The following YAF2 variants were observed in gnomAD, a reference collection of about 807,000 sequenced individuals.
The protein encoded by YAF2 is YY1-associated factor 2.
YAF2 carries 7 observed loss-of-function variants against 20.1 expected under a neutral mutation model. That is an observed-to-expected ratio of 0.35 (90% CI 0.20 to 0.65). The LOEUF is 0.65. Ranked by LOEUF, YAF2 falls within the 30% of genes least tolerant of loss-of-function variation. YAF2 has a pLI of 0.69. For synonymous variants in YAF2, 74 were observed against 76.0 expected, an observed-to-expected ratio of 0.97 and a Z score of 0.14; for missense variants, 151 against 219.2, an observed-to-expected ratio of 0.69 and a Z score of 1.96.
chr12:42,186,795 G>A (rs747166333), intron 2 of YAF2, among the ~76,000 whole-genome samples: 4 of 152,182 alleles, frequency 2.6e-5, no homozygotes, highest in Non-Finnish European at 4.4e-5. Context: ...CAAACTGTTA[G>A]CATTTTAGAG....
intron 2 of YAF2, among the ~76,000 whole-genome samples, chr12:42,219,717 T>C (rs1408676769): frequency 1.3e-5 from 2 of 152,146 alleles, no homozygotes; most frequent in African/African-American, 4.8e-5. Context: ...TCCACCTCAT[T>C]ATCTTATCCA....
intron 2 of YAF2, chr12:42,210,238 T>C: frequency 1.9e-6 from 1 of 513,772 alleles, no homozygotes; most frequent in South Asian, 2.0e-5. Context: ...ATATCAAATG[T>C]ACAAAAAGAA....
intron 2 of YAF2, among the ~76,000 whole-genome samples, chr12:42,182,478 G>A (rs2066369141): frequency 6.6e-6 from 1 of 152,160 alleles, no homozygotes; most frequent in Non-Finnish European, 1.5e-5. Flanking sequence ...TGAAAGAAAA[G>A]TTATTTCTAG....
At chr12:42,170,831 C>A (rs997165606) in intron 2 of YAF2, among the ~76,000 whole-genome samples, 1 of 152,082 alleles carries the variant, frequency 6.6e-6, no homozygotes, top group African/African-American at 2.4e-5. Context: ...GTAGATCCAC[C>A]TCTCCAATAG....
chr12:42,233,056 A>G, intron 2 of YAF2: 1 of 985,388 alleles, frequency 1.0e-6, no homozygotes, highest in Non-Finnish European at 1.2e-6. Context: ...TCTAGTATCC[A>G]ACTCAGCCCT....
At chr12:42,210,481 T>A in intron 2 of YAF2, 1 of 1,535,884 alleles carries the variant, frequency 6.5e-7, no homozygotes, top group Non-Finnish European at 8.7e-7. Flanking sequence ...TACAGACGTA[T>A]ATGTAAGAAA....
chr12:42,237,576 C>A, intron 2 of YAF2, 23 bp downstream of exon 2: 1 of 1,495,376 alleles, frequency 6.7e-7, no homozygotes, highest in Non-Finnish European at 8.9e-7. Flanking sequence ...GCCGGCGGCG[C>A]GAGGGGCAGG....
intron 2 of YAF2, among the ~76,000 whole-genome samples, chr12:42,194,283 T>TACTC (rs1445593914): frequency 6.6e-6 from 1 of 152,220 alleles, no homozygotes; most frequent in Non-Finnish European, 1.5e-5. Context: ...ATTCATTCAC[T>TACTC]ACTCACTCAC....
rs2065765722 is a variant in YAF2 at position 42,159,897 on chromosome 12, G to A, written c.*692C>T. 1 of 152,412 alleles carries A rather than the reference G, an allele frequency of 6.6e-6. No individual in the cohort carries two copies. Among genetic ancestry groups the A allele is most frequent in the Non-Finnish European group, 1.5e-5 (1 of 67,952 alleles). The allele number at this position is 152,412 out of a possible 1,614,324, so 9.4% of individuals were successfully genotyped here. A position where few individuals can be genotyped will look rare whatever the true frequency, so the allele number is the denominator to read the frequency against. On this transcript the variant is annotated 3_prime_UTR_variant, in exon 4 of 4. Coordinates refer to ENST00000534854, the MANE Select transcript of YAF2 (RefSeq NM_005748.6). Reference sequence around the variant, plus strand: ...TGAATTATAAAGCTAAATAATCAATGTTTTATTGTTTACTAGTCCGCTAGT... The same window carrying A: ...TGAATTATAAAGCTAAATAATCAATATTTTATTGTTTACTAGTCCGCTAGT...
intron 2 of YAF2, among the ~76,000 whole-genome samples, chr12:42,170,954 A>G (rs1230982712): frequency 6.6e-6 from 1 of 152,140 alleles, no homozygotes; most frequent in Admixed American, 6.5e-5. Context: ...AGTGGGAGAG[A>G]GCACTAGAGC....
intron 2 of YAF2, among the ~76,000 whole-genome samples, chr12:42,170,036 A>C (rs1373452577): frequency 6.6e-6 from 1 of 151,790 alleles, no homozygotes; most frequent in East Asian, 2.0e-4. Flanking sequence ...ACACCTGGGT[A>C]ATTTTTTTAT....
At chr12:42,212,973 A>G (rs896571633) in intron 2 of YAF2, among the ~76,000 whole-genome samples, 8 of 152,256 alleles carry the variant, frequency 5.3e-5, no homozygotes, top group Non-Finnish European at 7.3e-5. Context: ...CAAAGGTCTT[A>G]TATGTTTATA....
chr12:42,209,563 C>CAAAAAA (rs71084623), intron 2 of YAF2, among the ~76,000 whole-genome samples: 1 of 27,804 alleles, frequency 3.6e-5, no homozygotes. Flanking sequence ...GACTTTGTCT[C>CAAAAAA]AAAAAAAAAA....
intron 2 of YAF2, among the ~76,000 whole-genome samples, chr12:42,203,825 G>A (rs1291710023): frequency 6.6e-6 from 1 of 152,118 alleles, no homozygotes; most frequent in Non-Finnish European, 1.5e-5. Context: ...AACAGGTAGG[G>A]TAACTTTCCC....
chr12:42,227,867 G>A (rs554280440), intron 2 of YAF2, among the ~76,000 whole-genome samples: 2,586 of 129,556 alleles, frequency 0.02, 95 homozygotes, highest in African/African-American at 0.074. Flanking sequence ...CCCCCGCCCC[G>A]CCAGCCGCCC....
intron 2 of YAF2, among the ~76,000 whole-genome samples, chr12:42,220,624 A>C (rs768011924): frequency 5.5e-4 from 84 of 152,186 alleles, no homozygotes; most frequent in Non-Finnish European, 7.1e-4. Context: ...CAAGAGCTTT[A>C]CCTGTTGAGC....
intron 2 of YAF2, among the ~76,000 whole-genome samples, chr12:42,175,988 C>T (rs1017715636): frequency 6.6e-6 from 1 of 151,818 alleles, no homozygotes; most frequent in African/African-American, 2.4e-5. Flanking sequence ...GGCTCACACC[C>T]ATAATCCCAG....
intron 2 of YAF2, among the ~76,000 whole-genome samples, chr12:42,190,892 A>T (rs983667139): frequency 1.4e-4 from 21 of 152,010 alleles, no homozygotes; most frequent in African/African-American, 5.1e-4. Flanking sequence ...GGTTAATAAT[A>T]TTTCTACTTT....
intron 2 of YAF2, among the ~76,000 whole-genome samples, chr12:42,185,932 G>T (rs1287108395): frequency 2.0e-5 from 3 of 152,158 alleles, no homozygotes; most frequent in Non-Finnish European, 4.4e-5. Context: ...GGGCACAGTG[G>T]CTCACGCCTG....
Sources: gnomAD v4.1 joint callset for allele counts (sites outside exome capture counted in the v4.1 genomes callset) on GRCh38, gnomAD v4.1.1 for gene constraint, MANE v1.5 for transcripts, NCBI Gene and HGNC (gene_info 2026-07-23, HGNC 2026-07-21) for gene names.